Variants in BTBD10 observed in about 807,000 individuals in gnomAD.
BTBD10 encodes the protein BTB/POZ domain-containing protein 10.
BTBD10 carries 21 observed loss-of-function variants against 53.2 expected under a neutral mutation model. The ratio of observed to expected loss-of-function variants is 0.39; its 90% CI spans 0.28 to 0.57. The LOEUF (loss-of-function observed/expected upper bound fraction) is 0.57, where lower values mean the gene tolerates loss of function less well. Among genes scored for constraint, BTBD10 ranks in the 20% least tolerant of loss-of-function variants. The pLI is 0.53. For missense variants in BTBD10, 360 were observed against 594.7 expected, an observed-to-expected ratio of 0.61 and a Z score of 4.10; for synonymous variants, 149 against 192.7, an observed-to-expected ratio of 0.77 and a Z score of 1.88.
At chr11:13,416,197 C>CA (rs1263297839) in intron 5 of BTBD10, among the ~76,000 whole-genome samples, 1 of 151,030 alleles carries the variant, frequency 6.6e-6, no homozygotes, top group Non-Finnish European at 1.5e-5. Context: ...ACTAAAAATA[C>CA]AAAAAAATTA....
intron 2 of BTBD10, among the ~76,000 whole-genome samples, chr11:13,432,233 T>A (rs1293685288): frequency 2.6e-5 from 4 of 152,096 alleles, no homozygotes; most frequent in Non-Finnish European, 4.4e-5. Context: ...TATAAAGGGG[T>A]AGCATAAGAG....
At chr11:13,428,764 A>T (rs1194957688) in intron 2 of BTBD10, among the ~76,000 whole-genome samples, 1 of 152,160 alleles carries the variant, frequency 6.6e-6, no homozygotes, top group Admixed American at 6.5e-5. Flanking sequence ...CTTTTCTTCA[A>T]CAATGTACTG....
chr11:13,425,615 C>T lies in BTBD10; in HGVS notation c.102-3777G>A, dbSNP rs1308932185. On this transcript the variant is annotated intron_variant, in intron 2 of 8. Coordinates refer to ENST00000278174, the MANE Select transcript of BTBD10 (RefSeq NM_032320.7). Reference sequence around the variant, plus strand: ...GATTAAAAAAATGCAAATCAAGCTTCCAGAGATAAAAATGTTTACATGTGA... The same window carrying T: ...GATTAAAAAAATGCAAATCAAGCTTTCAGAGATAAAAATGTTTACATGTGA... 2.0e-5 allele frequency among the ~76,000 whole-genome samples: 3 copies of T among 151,906 alleles called. No individual in the cohort carries two copies. In the East Asian group the frequency reaches 5.8e-4, roughly 29 times the overall value.
intron 1 of BTBD10, among the ~76,000 whole-genome samples, chr11:13,461,709 G>C (rs990418051): frequency 2.0e-5 from 3 of 152,124 alleles, no homozygotes; most frequent in African/African-American, 4.8e-5. Context: ...TTCTGGGAGT[G>C]AGAAAAAAGG....
At chr11:13,398,548 T>A (rs57822073) in intron 8 of BTBD10, among the ~76,000 whole-genome samples, 23,836 of 151,738 alleles carry the variant, frequency 0.16, 2,063 homozygotes, top group Admixed American at 0.24. Context: ...TTACATTTAA[T>A]GTTAATATTG....
intron 5 of BTBD10, among the ~76,000 whole-genome samples, chr11:13,415,041 T>C (rs1398290241): frequency 2.0e-5 from 3 of 147,682 alleles, no homozygotes; most frequent in African/African-American, 7.4e-5. Flanking sequence ...CTCCCTTCCC[T>C]CAAACTATTT....
intron 2 of BTBD10, among the ~76,000 whole-genome samples, chr11:13,438,467 T>C (rs962246570): frequency 1.3e-5 from 2 of 152,034 alleles, no homozygotes; most frequent in Non-Finnish European, 2.9e-5. Context: ...AAAATGCGGA[T>C]TGGTGAAATA....
At chr11:13,447,871 C>T (rs1019179905) in intron 1 of BTBD10, among the ~76,000 whole-genome samples, 1 of 152,110 alleles carries the variant, frequency 6.6e-6, no homozygotes, top group Non-Finnish European at 1.5e-5. Context: ...TTTGGAAAAA[C>T]TATGCCTATG....
chr11:13,399,807 G>T (rs1286274309), intron 8 of BTBD10, among the ~76,000 whole-genome samples: 3 of 152,174 alleles, frequency 2.0e-5, no homozygotes, highest in Non-Finnish European at 2.9e-5. Flanking sequence ...TTTACTGGAG[G>T]TCCACTCCAG....
At chr11:13,453,185 C>T (rs77979724) in intron 1 of BTBD10, among the ~76,000 whole-genome samples, 22,935 of 151,786 alleles carry the variant, frequency 0.15, 1,983 homozygotes, top group Admixed American at 0.24. Flanking sequence ...GATACAGATA[C>T]AGAAAATATT....
intron 7 of BTBD10, 41 bp from the exon 8 acceptor site, chr11:13,403,319 G>T: frequency 8.7e-7 from 1 of 1,148,500 alleles, no homozygotes; most frequent in South Asian, 1.6e-5. Flanking sequence ...TAAAATTAAA[G>T]GATTTAGAGA....
At chr11:13,412,821 G>A (rs1383818749) in intron 6 of BTBD10, among the ~76,000 whole-genome samples, 7 of 152,146 alleles carry the variant, frequency 4.6e-5, no homozygotes, top group African/African-American at 1.7e-4. Context: ...AAGTACCTAA[G>A]TCAACATTTG....
chr11:13,456,061 C>T (rs1950961180), intron 1 of BTBD10, among the ~76,000 whole-genome samples: 1 of 152,154 alleles, frequency 6.6e-6, no homozygotes, highest in Admixed American at 6.5e-5. Flanking sequence ...TTTAAGGAAT[C>T]TAAAATTTGC....
intron 2 of BTBD10, among the ~76,000 whole-genome samples, chr11:13,437,282 A>G (rs954284309): frequency 2.6e-5 from 4 of 152,188 alleles, no homozygotes; most frequent in East Asian, 1.9e-4. Flanking sequence ...CTTTTGTCTT[A>G]TATCTAGTTT....
rs199658475 is a variant in BTBD10 at position 13,419,549 on chromosome 11, C to T, written c.495G>A (p.Thr165=). The T allele has an allele frequency of 2.3e-5, 37 of 1,613,988 alleles. No homozygotes were observed. The highest frequency in any genetic ancestry group is 1.6e-4 in the Middle Eastern group (1 of 6,084). ...NAKEGARNIR[T]SERVTLIVDN... ...CCACTATTAGTGTCACTCGTTCTGA[C>T]GTTCTTATATTCCGAGCTCCTTCTT... The change falls in exon 4 of 9, where the codon ACG becomes ACA. Residue 165 remains threonine (T), a synonymous_variant. Transcript: ENST00000278174.
intron 1 of BTBD10, among the ~76,000 whole-genome samples, chr11:13,453,528 T>C (rs758204367): frequency 2.6e-5 from 4 of 152,218 alleles, no homozygotes; most frequent in African/African-American, 4.8e-5. Flanking sequence ...GAGGTGATAG[T>C]GCTATAGAAA....
At chr11:13,433,131 A>G (rs1405350377) in intron 2 of BTBD10, among the ~76,000 whole-genome samples, 3 of 152,166 alleles carry the variant, frequency 2.0e-5, no homozygotes, top group African/African-American at 7.2e-5. Context: ...GGGGCACTTT[A>G]GGCCTCAGAA....
At chr11:13,421,907 A>G (rs1950249457) in intron 2 of BTBD10, 69 bp from the exon 3 acceptor site, 1 of 1,283,918 alleles carries the variant, frequency 7.8e-7, no homozygotes, top group African/African-American at 1.5e-5. Flanking sequence ...TAAAAGAAAC[A>G]CCCAAGTAAC....
chr11:13,413,068 T>C (rs2135798395), intron 6 of BTBD10, among the ~76,000 whole-genome samples: 1 of 152,356 alleles, frequency 6.6e-6, no homozygotes, highest in South Asian at 2.1e-4. Flanking sequence ...ACATGAGGGC[T>C]AGACATTCAA....
Sources: allele counts gnomAD v4.1 joint callset (sites outside exome capture counted in the v4.1 genomes callset), GRCh38; gene constraint gnomAD v4.1.1; transcripts MANE v1.5; gene names NCBI Gene and HGNC (gene_info 2026-07-23, HGNC 2026-07-21).